Variants in UGT2B4 observed in about 807,000 individuals in gnomAD.
UGT2B4 encodes UDP-glucuronosyltransferase 2B4.
Under a neutral mutation model 49.8 loss-of-function variants are expected in UGT2B4, and 49 were observed. The observed-to-expected ratio is 0.98, with a 90% CI of 0.78 to 1.25. The LOEUF is 1.25. UGT2B4 is among the 50% of genes most tolerant of loss of function. The pLI is 0.00. For synonymous variants in UGT2B4, 246 were observed against 217.7 expected, an observed-to-expected ratio of 1.13 and a Z score of -1.14; for missense variants, 729 against 627.7, an observed-to-expected ratio of 1.16 and a Z score of -1.73.
chr4:69,489,328 G>T, intron 3 of UGT2B4, 111 bp downstream of exon 3: 1 of 1,406,294 alleles, frequency 7.1e-7, no homozygotes, highest in Non-Finnish European at 9.7e-7. Context: ...GATAATTAGT[G>T]CTTTCCCAAC....
Position 69,480,532 on chromosome 4 carries a change from G to T in UGT2B4, c.*102C>A. 6.7e-7 allele frequency: 1 copy of T among 1,496,678 alleles called. No homozygotes were observed. Among genetic ancestry groups the T allele is most frequent in the Non-Finnish European group, 8.9e-7 (1 of 1,119,174 alleles). 92.7% of individuals were successfully genotyped at this position (1,496,678 alleles called of 1,614,324 possible). A position where few individuals can be genotyped will look rare whatever the true frequency, so the allele number is the denominator to read the frequency against. On this transcript the variant is annotated 3_prime_UTR_variant, in exon 6 of 6. Coordinates refer to ENST00000305107, the MANE Select transcript of UGT2B4 (RefSeq NM_021139.3). ...CAAGGTAAGTTTTGAAAGATGTTTT[G>T]TCACAAGAAGAAAGGAATCTCTTGT...
rs115745725 is a variant in UGT2B4 at position 69,517,783 on chromosome 4, G to T, written c.-106+7904C>A. 2.5e-3 allele frequency: 429 copies of T among 169,594 alleles called. 1 individual carries two copies. The highest frequency in any genetic ancestry group is 9.7e-3 in the African/African-American group (405 of 41,602). The allele number at this position is 169,594 out of a possible 1,614,324, so 10.5% of individuals were successfully genotyped here. Reference sequence around the variant, plus strand: ...TGTATTTTTTACTCTTTCCAGAAAGGTCTTTATGTCCGTTAGTCCTGTCAT... The same window carrying T: ...TGTATTTTTTACTCTTTCCAGAAAGTTCTTTATGTCCGTTAGTCCTGTCAT... On this transcript the variant is annotated intron_variant, in intron 1 of 1. Coordinates refer to the UGT2B4 transcript ENST00000510114.
chr4:69,522,832 T>C (rs1298371519), intron 1 of UGT2B4, among the ~76,000 whole-genome samples: 1 of 152,196 alleles, frequency 6.6e-6, no homozygotes, highest in Non-Finnish European at 1.5e-5. Flanking sequence ...TTGAAGTTCA[T>C]TCTCTCAAAC....
At chr4:69,520,516 C>T (rs1728824553) in intron 1 of UGT2B4, among the ~76,000 whole-genome samples, 1 of 152,206 alleles carries the variant, frequency 6.6e-6, no homozygotes, top group Non-Finnish European at 1.5e-5. Context: ...AGGAAGTCCC[C>T]CTGCTCCTGA....
chr4:69,514,594 G>T (rs1728684715), intron 1 of UGT2B4, among the ~76,000 whole-genome samples: 1 of 152,130 alleles, frequency 6.6e-6, no homozygotes, highest in African/African-American at 2.4e-5. Flanking sequence ...TTGGCTGTGG[G>T]TTTGTCATAT....
At position 69,493,776 on chromosome 4, in the gene UGT2B4, C is replaced by A; in HGVS notation, c.787G>T (p.Asp263Tyr). The change falls in exon 2 of 6, where the codon GAT becomes TAT. Residue 263 changes from aspartate (D) to tyrosine (Y), a missense_variant. Transcript: ENST00000305107. ...AAGAGTGGGTGAGGAAATTGAAAAT[C>A]CCAGTAGTTTCGAATAAGCCATATG... The part of the protein sequence containing the change: ...ADIWLIRNYW[D>Y]FQFPHPLLPN... 6.2e-7 allele frequency: 1 copy of A among 1,610,448 alleles called. No individual in the cohort carries two copies. The highest frequency in any genetic ancestry group is 1.1e-5 in the South Asian group (1 of 90,328).
intron 1 of UGT2B4, among the ~76,000 whole-genome samples, chr4:69,524,770 A>G (rs1392474018): frequency 6.6e-6 from 1 of 152,104 alleles, no homozygotes; most frequent in African/African-American, 2.4e-5. Context: ...TGCTTATCCT[A>G]TGAAGCATAT....
At chr4:69,502,330 G>A (rs1410817963) in intron 1 of UGT2B4, among the ~76,000 whole-genome samples, 3 of 151,554 alleles carry the variant, frequency 2.0e-5, no homozygotes, top group African/African-American at 4.9e-5. Context: ...ACCCATCACC[G>A]AGGTATTAAC....
intron 1 of UGT2B4, among the ~76,000 whole-genome samples, chr4:69,521,160 A>G (rs1024761367): frequency 6.6e-6 from 1 of 152,146 alleles, no homozygotes; most frequent in Non-Finnish European, 1.5e-5. Context: ...CTCACCCACC[A>G]TTTGACTGTG....
chr4:69,495,397 G>A lies in UGT2B4; in HGVS notation c.465C>T (p.Pro155=), dbSNP rs1224761714. The change falls in exon 1 of 6, where the codon CCC becomes CCT. Residue 155 remains proline, a synonymous_variant. Coordinates refer to ENST00000305107, the MANE Select transcript of UGT2B4 (RefSeq NM_021139.3). ...FDVVLADAVF[P]FGELLAELLK... ...GTAACTCGGCCAGCAGCTCACCAAA[G>A]GGGAAAACAGCATCTGCAAGAACAA... The A allele has an allele frequency of 3.4e-5, 55 of 1,613,822 alleles. No individual in the cohort carries two copies. Among genetic ancestry groups the A allele is most frequent in the Non-Finnish European group, 4.6e-5 (54 of 1,179,956 alleles).
At chr4:69,506,173 C>T (rs1288049428) in intron 1 of UGT2B4, among the ~76,000 whole-genome samples, 1 of 151,326 alleles carries the variant, frequency 6.6e-6, no homozygotes, top group African/African-American at 2.4e-5. Flanking sequence ...GAACAGAGAA[C>T]CAAGAGCAAA....
chr4:69,507,061 G>A (rs1728491341), intron 1 of UGT2B4, among the ~76,000 whole-genome samples: 1 of 152,126 alleles, frequency 6.6e-6, no homozygotes, highest in Non-Finnish European at 1.5e-5. Flanking sequence ...GCTAGGTATT[G>A]AAGGAACATA....
rs775856632 is a variant in UGT2B4 at position 69,480,874 on chromosome 4, AT to A, written c.1346del (p.His449LeufsTer6). 1 of 1,613,724 alleles carries A rather than the reference AT, an allele frequency of 6.2e-7. No individual in the cohort carries two copies. Reference sequence around the variant, plus strand: ...CAAGGGGCTTCACTGGTTGATCATGATGAATTCTTGATAATTTCATAGCATT... The same window carrying A: ...CAAGGGGCTTCACTGGTTGATCATGAGAATTCTTGATAATTTCATAGCATT... ...KENAMKLSRI[H>X]HDQPVKPLDR... is the part of the protein sequence containing the mutation. On this transcript the variant is annotated frameshift_variant, in exon 6 of 6. Transcript: ENST00000305107. LOFTEE classifies it high-confidence loss of function.
In UGT2B4 at chr4:69,489,439, C is replaced by T. The variant is rs748044015; in HGVS notation, c.1002G>A (p.Lys334=). The change falls in exon 3 of 6, where the codon AAG becomes AAA. Residue 334 remains lysine, a splice_region_variant and synonymous_variant. Transcript: ENST00000305107. The part of the protein sequence containing the change: ...IASALAKIPQ[K]VLWRFDGNKP... ...ACACCATTAAAACATTTTATCTTAC[C>T]TTTTGTGGGATCTTGGCAAGGGCTG... 6.2e-6 allele frequency: 10 copies of T among 1,609,542 alleles called. No homozygotes were observed. Among genetic ancestry groups the T allele is most frequent in the Admixed American group, 5.0e-5 (3 of 59,800 alleles).
intron 5 of UGT2B4, among the ~76,000 whole-genome samples, chr4:69,483,608 G>A (rs1006772748): frequency 2.6e-5 from 4 of 151,706 alleles, no homozygotes; most frequent in African/African-American, 7.3e-5. Flanking sequence ...TTCTTTAAAG[G>A]TAGCTTTATC....
At position 69,495,705 on chromosome 4, in the gene UGT2B4, C is replaced by T. The variant is rs1728139271; in HGVS notation, c.157G>A (p.Val53Met). The T allele has an allele frequency of 5.6e-6, 9 of 1,614,012 alleles. No homozygotes were observed. Among genetic ancestry groups the T allele is most frequent in the Middle Eastern group, 1.7e-4 (1 of 6,052 alleles). Residue 53 changes from valine to methionine, a missense_variant, in exon 1 of 6, where the codon GTG becomes ATG. By Grantham distance (21) the Val-to-Met change is conservative. Coordinates refer to ENST00000305107, the MANE Select transcript of UGT2B4 (RefSeq NM_021139.3). The stretch of plus-strand genomic sequence containing the variant: ...GAAGCTGAAGATGCCAATACAGTCA[C>T]CTCATGACCTCTCTGGACAAGTTCA... ...LDELVQRGHE[V>M]TVLASSASIS...
intron 1 of UGT2B4, among the ~76,000 whole-genome samples, chr4:69,519,090 A>G (rs1001859858): frequency 2.6e-5 from 4 of 152,244 alleles, no homozygotes; most frequent in African/African-American, 9.6e-5. Context: ...TTGAGAGCAG[A>G]AGCCTACAGA....
At chr4:69,517,223 T>G (rs1305823374) in intron 1 of UGT2B4, among the ~76,000 whole-genome samples, 1 of 152,146 alleles carries the variant, frequency 6.6e-6, no homozygotes, top group Non-Finnish European at 1.5e-5. Flanking sequence ...CTCAAATTTT[T>G]GTTTAGCCCT....
intron 1 of UGT2B4, among the ~76,000 whole-genome samples, chr4:69,512,067 T>C (rs753935599): frequency 3.3e-5 from 5 of 151,872 alleles, no homozygotes; most frequent in Non-Finnish European, 7.4e-5. Context: ...ATTTGAAAAT[T>C]TTATCTTTTC....
Sources: allele counts gnomAD v4.1 joint callset (sites outside exome capture counted in the v4.1 genomes callset), GRCh38; gene constraint gnomAD v4.1.1; transcripts MANE v1.5; gene names NCBI Gene and HGNC (gene_info 2026-07-23, HGNC 2026-07-21).